The following VAMP7 variants were observed in gnomAD, a reference collection of about 807,000 sequenced individuals.
VAMP7 encodes vesicle-associated membrane protein 7.
Under a neutral mutation model 29.6 loss-of-function variants are expected in VAMP7, and 14 were observed. That is an observed-to-expected ratio of 0.47 (90% CI 0.31 to 0.74). VAMP7 has a LOEUF of 0.74. VAMP7 is among the 30% of genes least tolerant of loss of function. The pLI is 0.05. For missense variants in VAMP7, 223 were observed against 262.4 expected, an observed-to-expected ratio of 0.85 and a Z score of 1.04; for synonymous variants, 95 against 88.1, an observed-to-expected ratio of 1.08 and a Z score of -0.44.
chrX:155,912,454 G>A (rs2066251709), intron 5 of VAMP7, among the ~76,000 whole-genome samples: 1 of 152,024 alleles, frequency 6.6e-6, no homozygotes, highest in Non-Finnish European at 1.5e-5. Context: ...GTGGTTTGCT[G>A]CACCCATTAA....
intron 7 of VAMP7, among the ~76,000 whole-genome samples, chrX:155,941,044 C>T (rs1251797591): frequency 6.6e-6 from 1 of 152,072 alleles, no homozygotes; most frequent in Non-Finnish European, 1.5e-5. Context: ...GGCATAGGGG[C>T]TTATGCCTGT....
chrX:155,897,730 ACT>A (rs1302486844), intron 3 of VAMP7, among the ~76,000 whole-genome samples: 3 of 151,968 alleles, frequency 2.0e-5, no homozygotes, highest in African/African-American at 7.3e-5. Context: ...TGTGTGAAAG[ACT>A]CTATGATTAT....
intron 6 of VAMP7, among the ~76,000 whole-genome samples, chrX:155,930,129 C>T (rs1254804514): frequency 6.6e-6 from 1 of 152,140 alleles, no homozygotes; most frequent in Non-Finnish European, 1.5e-5. Flanking sequence ...AGAGCATTGC[C>T]TAACAGGAAA....
chrX:155,884,564 G>A (rs1422577272), intron 1 of VAMP7, among the ~76,000 whole-genome samples: 1 of 152,198 alleles, frequency 6.6e-6, no homozygotes, highest in Non-Finnish European at 1.5e-5. Context: ...AATTTAGGAT[G>A]TGCCAACCTA....
At chrX:155,896,989 CTT>C (rs1412143589) in intron 3 of VAMP7, among the ~76,000 whole-genome samples, 1 of 151,114 alleles carries the variant, frequency 6.6e-6, no homozygotes, top group Admixed American at 6.6e-5. Flanking sequence ...ATTTTAAAAA[CTT>C]GATGTAGTAA....
intron 5 of VAMP7, among the ~76,000 whole-genome samples, chrX:155,911,335 G>C (rs2066234429): frequency 6.6e-6 from 1 of 152,222 alleles, no homozygotes; most frequent in Admixed American, 6.5e-5. Flanking sequence ...AAACCATGCT[G>C]TTTTGGTTAC....
chrX:155,906,115 T>G (rs1395479267), intron 5 of VAMP7, among the ~76,000 whole-genome samples: 2 of 152,170 alleles, frequency 1.3e-5, no homozygotes, highest in Non-Finnish European at 2.9e-5. Context: ...AGACTCTGCT[T>G]CACCAAATTT....
intron 1 of VAMP7, among the ~76,000 whole-genome samples, chrX:155,887,014 C>T (rs1304059077): frequency 6.6e-6 from 1 of 152,040 alleles, no homozygotes; most frequent in Non-Finnish European, 1.5e-5. Context: ...GTTTTTGTTC[C>T]TCTCTACTGT....
intron 5 of VAMP7, among the ~76,000 whole-genome samples, chrX:155,901,461 C>T (rs375341915): frequency 1.3e-5 from 2 of 151,974 alleles, no homozygotes; most frequent in South Asian, 2.1e-4. Flanking sequence ...GAAAAATCAA[C>T]GTTTTTAATC....
At chrX:155,903,353 A>G (rs1367206849) in intron 5 of VAMP7, among the ~76,000 whole-genome samples, 2 of 152,200 alleles carry the variant, frequency 1.3e-5, no homozygotes, top group East Asian at 3.9e-4. Context: ...AAATTGACAA[A>G]TGCGATCTAA....
chrX:155,907,941 T>A (rs915620847), intron 5 of VAMP7, among the ~76,000 whole-genome samples: 2 of 151,080 alleles, frequency 1.3e-5, no homozygotes, highest in Non-Finnish European at 2.9e-5. Flanking sequence ...GCAGAGGCGC[T>A]CCCCACATCT....
At chrX:155,904,179 G>A (rs2066113102) in intron 5 of VAMP7, among the ~76,000 whole-genome samples, 1 of 140,542 alleles carries the variant, frequency 7.1e-6, no homozygotes, top group South Asian at 2.4e-4. Flanking sequence ...CACAGGAAGG[G>A]GAACATCACA....
intron 6 of VAMP7, among the ~76,000 whole-genome samples, chrX:155,929,042 C>T (rs767508633): frequency 6.6e-6 from 1 of 152,032 alleles, no homozygotes; most frequent in Admixed American, 6.6e-5. Context: ...TTATTTTGGT[C>T]TCATATTTGA....
intron 1 of VAMP7, among the ~76,000 whole-genome samples, chrX:155,886,340 G>A (rs1386626406): frequency 1.3e-5 from 2 of 152,126 alleles, no homozygotes; most frequent in Non-Finnish European, 2.9e-5. Flanking sequence ...ATTTTTAGCA[G>A]TATAGCAGAG....
chrX:155,938,834 T>C (rs1184801682), intron 6 of VAMP7, among the ~76,000 whole-genome samples: 3 of 152,108 alleles, frequency 2.0e-5, no homozygotes, highest in Admixed American at 6.5e-5. Context: ...TAATAAAATA[T>C]AGCAGGTATT....
chrX:155,919,020 G>GATT (rs2066356022), intron 5 of VAMP7, among the ~76,000 whole-genome samples: 1 of 152,160 alleles, frequency 6.6e-6, no homozygotes, highest in South Asian at 2.1e-4. Flanking sequence ...GTGATCATCA[G>GATT]GGTTGTTGGC....
chrX:155,895,771 C>G, intron 3 of VAMP7, 91 bp downstream of exon 3: 1 of 1,097,536 alleles, frequency 9.1e-7, no homozygotes, highest in Non-Finnish European at 1.4e-6. Flanking sequence ...CCCCAACCCC[C>G]AGGCTGCAGA....
At chrX:155,930,095 G>A (rs776458418) in intron 6 of VAMP7, among the ~76,000 whole-genome samples, 1 of 152,234 alleles carries the variant, frequency 6.6e-6, no homozygotes, top group African/African-American at 2.4e-5. Flanking sequence ...TGCTCTCTTG[G>A]CATCAGTGTG....
At chrX:155,932,399 A>C (rs2066573990) in intron 6 of VAMP7, among the ~76,000 whole-genome samples, 1 of 152,120 alleles carries the variant, frequency 6.6e-6, no homozygotes, top group Non-Finnish European at 1.5e-5. Context: ...AGTAGTTTGT[A>C]GTTCTCCTTG....
Sources: gnomAD v4.1 joint callset for allele counts (sites outside exome capture counted in the v4.1 genomes callset) on GRCh38, gnomAD v4.1.1 for gene constraint, MANE v1.5 for transcripts, NCBI Gene and HGNC (gene_info 2026-07-23, HGNC 2026-07-21) for gene names.